Variants in BORA observed in about 807,000 individuals in gnomAD.
BORA encodes the protein protein aurora borealis.
BORA carries 26 observed loss-of-function variants against 55.8 expected under a neutral mutation model. That is an observed-to-expected ratio of 0.47 (90% CI 0.34 to 0.65). The LOEUF is 0.65. Among genes scored for constraint, BORA ranks in the 30% least tolerant of loss-of-function variants. BORA has a pLI of 0.01. For missense variants in BORA, 568 were observed against 671.5 expected (o/e 0.85, Z 1.70); for synonymous variants, 201 against 216.9 (o/e 0.93, Z 0.64).
intron 1 of BORA, chr13:72,728,272 G>A (rs1371011252): frequency 1.5e-6 from 1 of 683,344 alleles, no homozygotes; most frequent in Non-Finnish European, 2.7e-6. Flanking sequence ...TGTAGCCTCT[G>A]TAGCCTCCTT....
rs772227451 is a variant in BORA, at chr13:72,745,041, C to T, written c.572C>T (p.Ser191Phe). Reference sequence around the variant, plus strand: ...TCTCCTGGAAACCTCAGTTCTTCATCCCTCAGAAGAAAGCTGTTTTTAGAT... The same window carrying T: ...TCTCCTGGAAACCTCAGTTCTTCATTCCTCAGAAGAAAGCTGTTTTTAGAT... ...DQSPGNLSSSSLRRKLFLDGN... is the reference protein window; with the variant it reads ...DQSPGNLSSSFLRRKLFLDGN... Residue 191 changes from serine to phenylalanine, a missense_variant, in exon 8 of 12, where the codon TCC becomes TTC. Coordinates refer to ENST00000390667, the MANE Select transcript of BORA (RefSeq NM_024808.5). 1 of 1,614,118 alleles carries T rather than the reference C, an allele frequency of 6.2e-7. No individual in the cohort carries two copies. Among genetic ancestry groups the T allele is most frequent in the East Asian group, 2.2e-5 (1 of 44,874 alleles).
At chr13:72,750,470 G>A (rs551976831) in intron 10 of BORA, among the ~76,000 whole-genome samples, 73 of 152,100 alleles carry the variant, frequency 4.8e-4, no homozygotes, top group African/African-American at 1.7e-3. Context: ...TTTTTACTTT[G>A]TTTTTACTTA....
At chr13:72,752,983 T>TC (rs1448398352) in intron 10 of BORA, 1 of 152,242 alleles carries the variant, frequency 6.6e-6, no homozygotes, top group Non-Finnish European at 1.5e-5. Flanking sequence ...TCTCACATCT[T>TC]CATCACCTCA....
At chr13:72,742,765 TATACACACACACACACACAC>T (rs201209442) in intron 5 of BORA, among the ~76,000 whole-genome samples, 1,795 of 54,028 alleles carry the variant, frequency 0.033, 80 homozygotes, top group East Asian at 0.31. Flanking sequence ...TATATATATA[TATACACACACACACACACAC>T]ACACACACAC....
intron 4 of BORA, among the ~76,000 whole-genome samples, chr13:72,737,220 T>G (rs935753730): frequency 1.3e-5 from 2 of 152,182 alleles, no homozygotes. Flanking sequence ...AACAACTTGC[T>G]CTCTGGTCGT....
At chr13:72,748,566 G>A (rs911237444) in intron 10 of BORA, among the ~76,000 whole-genome samples, 2 of 152,068 alleles carry the variant, frequency 1.3e-5, no homozygotes, top group African/African-American at 4.8e-5. Context: ...TGCCTATCCT[G>A]ACTTACAGCT....
chr13:72,754,013 C>T (rs1051461390), intron 11 of BORA, 192 bp downstream of exon 11: 53 of 540,836 alleles, frequency 9.8e-5, no homozygotes, highest in Non-Finnish European at 1.6e-4. Context: ...TTACATACTA[C>T]AAAGTGTGCA....
intron 4 of BORA, 75 bp from the exon 5 acceptor site, chr13:72,737,887 A>G: frequency 1.1e-6 from 1 of 881,948 alleles, no homozygotes; most frequent in East Asian, 3.0e-5. Context: ...TTTAATAATT[A>G]CTTGGAAAAA....
intron 11 of BORA, 153 bp downstream of exon 11, chr13:72,753,974 AT>A: frequency 1.3e-6 from 1 of 797,854 alleles, no homozygotes; most frequent in Non-Finnish European, 1.9e-6. Context: ...ACCTTTAAAT[AT>A]TTTGGTTACT....
At chr13:72,729,926 C>T (rs1246896149) in intron 2 of BORA, among the ~76,000 whole-genome samples, 2 of 151,288 alleles carry the variant, frequency 1.3e-5, no homozygotes, top group East Asian at 1.9e-4. Flanking sequence ...GAAAAGTGTT[C>T]TTCAGGATAT....
At chr13:72,738,303 C>T (rs898526946) in intron 5 of BORA, among the ~76,000 whole-genome samples, 2 of 151,834 alleles carry the variant, frequency 1.3e-5, no homozygotes, top group African/African-American at 4.8e-5. Context: ...TATAGAGGAT[C>T]CATAGATGAA....
At chr13:72,738,183 G>T in intron 5 of BORA, 140 bp downstream of exon 5, 1 of 403,392 alleles carries the variant, frequency 2.5e-6, no homozygotes, top group South Asian at 3.9e-5. Flanking sequence ...ACTCCTTTTA[G>T]GGTTAGAATT....
intron 5 of BORA, among the ~76,000 whole-genome samples, chr13:72,741,388 A>G (rs1014690725): frequency 6.6e-6 from 1 of 152,196 alleles, no homozygotes; most frequent in Non-Finnish European, 1.5e-5. Flanking sequence ...GTCTTCATAG[A>G]CTAATGACCT....
At chr13:72,738,144 CTTTAAA>C in intron 5 of BORA, 101 bp downstream of exon 5, 1 of 652,414 alleles carries the variant, frequency 1.5e-6, no homozygotes, top group South Asian at 2.5e-5. Context: ...AAGAAGCTTG[CTTTAAA>C]ATTCTGGATA....
At position 72,745,081 on chromosome 13, in the gene BORA, C is replaced by T; in HGVS notation, c.612C>T (p.Ile204=). The T allele has an allele frequency of 1.9e-6, 3 of 1,614,132 alleles. 1 individual carries two copies. In the South Asian group the frequency reaches 3.3e-5, roughly 18 times the overall value. The change falls in exon 8 of 12, where the codon ATC becomes ATT. Residue 204 remains isoleucine, a synonymous_variant. Transcript: ENST00000390667. The stretch of plus-strand genomic sequence containing the variant: ...TGTTTTTAGATGGGAACGGAAGCAT[C>T]TCCGACTCCTTACCTTCGGCTTCTC... The part of the protein sequence containing the change: ...RKLFLDGNGS[I]SDSLPSASPG...
chr13:72,748,728 TTCTCTCTCTCTCTCTC>T (rs58975643), intron 10 of BORA, among the ~76,000 whole-genome samples: 32 of 137,768 alleles, frequency 2.3e-4, no homozygotes, highest in African/African-American at 5.9e-4. Context: ...TTTTTTCACT[TTCTCTCTCTCTCTCTC>T]TCTCTCTCTC....
intron 4 of BORA, 149 bp from the exon 5 acceptor site, chr13:72,737,813 A>C: frequency 7.3e-6 from 2 of 272,626 alleles, no homozygotes; most frequent in Non-Finnish European, 7.1e-6. Flanking sequence ...AATTTCTTCC[A>C]TTTTTCCTTT....
intron 11 of BORA, chr13:72,754,305 CTTTTT>C (rs955339716): frequency 2.0e-5 from 3 of 151,098 alleles, no homozygotes; most frequent in Admixed American, 1.3e-4. Context: ...TATGCCGTTT[CTTTTT>C]TTTCTTTTTT....
intron 3 of BORA, among the ~76,000 whole-genome samples, chr13:72,734,166 C>A (rs187879478): frequency 6.6e-6 from 1 of 152,074 alleles, no homozygotes; most frequent in Admixed American, 6.5e-5. Context: ...ACCTGTGTAA[C>A]CTGCATTTGT....
Sources: gnomAD v4.1 joint callset for allele counts (sites outside exome capture counted in the v4.1 genomes callset) on GRCh38, gnomAD v4.1.1 for gene constraint, MANE v1.5 for transcripts, NCBI Gene and HGNC (gene_info 2026-07-23, HGNC 2026-07-21) for gene names.